AGAP1: variants seen among roughly 807,000 people sequenced by gnomAD.
AGAP1 encodes arf-GAP with GTPase, ANK repeat and PH domain-containing protein 1.
In AGAP1, 29 loss-of-function variants were observed where a neutral mutation model predicts 105.3. That is an observed-to-expected ratio of 0.28 (90% CI 0.21 to 0.38). The LOEUF (loss-of-function observed/expected upper bound fraction) is 0.38. Ranked by LOEUF, AGAP1 falls within the 10% of genes least tolerant of loss-of-function variation. The pLI, the probability that AGAP1 is intolerant of heterozygous loss-of-function variation, is 1.00. For synonymous variants in AGAP1, 509 were observed against 485.9 expected (o/e 1.05, Z -0.63); for missense variants, 998 against 1,165.1 (o/e 0.86, Z 2.09).
At chr2:235,821,658 T>C (rs999093600) in intron 9 of AGAP1, among the ~76,000 whole-genome samples, 2 of 152,222 alleles carry the variant, frequency 1.3e-5, no homozygotes. Context: ...ATATAACTAG[T>C]ACAGCTATAA....
chr2:235,914,766 T>G (rs1462329278), intron 11 of AGAP1, among the ~76,000 whole-genome samples: 2 of 152,086 alleles, frequency 1.3e-5, no homozygotes, highest in Non-Finnish European at 2.9e-5. Context: ...CTGGGTTCCT[T>G]GTGGCGGTCG....
rs1219111333 is a variant in AGAP1, at chr2:236,040,592, T to G, written c.1801-159T>G. ...TGCATGATGATTTCTTCTTCAGTTA[T>G]GCTCTTTCCCAAAGACATCAAAACA... On this transcript the variant is annotated intron_variant, in intron 14 of 17. Coordinates refer to ENST00000304032, the MANE Select transcript of AGAP1 (RefSeq NM_001037131.3). This position sits in a 1 kb window ranked among gnomAD's most constrained non-coding sequence, Gnocchi z 5.6. 4.9e-6 allele frequency: 1 copy of G among 202,588 alleles called. No homozygotes were observed. The highest frequency in any genetic ancestry group is 5.4e-5 in the Admixed American group (1 of 18,356). 12.5% of individuals were successfully genotyped at this position (202,588 alleles called of 1,614,324 possible).
chr2:235,768,421 T>G (rs1955151845), intron 6 of AGAP1, among the ~76,000 whole-genome samples: 1 of 152,270 alleles, frequency 6.6e-6, no homozygotes, highest in Non-Finnish European at 1.5e-5. Context: ...AGAATTTTAC[T>G]ACTTTCAGTA....
intron 9 of AGAP1, among the ~76,000 whole-genome samples, chr2:235,838,423 C>G (rs554269541): frequency 1.2e-3 from 190 of 152,316 alleles, no homozygotes; most frequent in Non-Finnish European, 2.1e-3. Context: ...AGGCACTGTG[C>G]TTTCTGAAGC....
rs1194238075 is a variant in AGAP1 at position 235,904,331 on chromosome 2, G to A, written c.1156-4407G>A. On this transcript the variant is annotated intron_variant, in intron 10 of 17. Transcript: ENST00000304032. The surrounding 1 kb of genome is among the most constrained non-coding windows in gnomAD (Gnocchi z 4.2). ...TTCGGAAACAGGTCCCTTTGCTCTG[G>A]CGCCTGCTTGGAAAAAATAAGCCGC... 6.6e-6 allele frequency among the ~76,000 whole-genome samples: 1 copy of A among 152,130 alleles called. No individual in the cohort carries two copies. The highest frequency in any genetic ancestry group is 1.9e-4 in the East Asian group (1 of 5,180).
In AGAP1 at chr2:235,750,231, A is replaced by G; in HGVS notation, c.539-123A>G. Reference sequence around the variant, plus strand: ...GAGGCAAACGATGCTCTACAATTCCAGATTCATAAACTAATTACATTTCTG... The same window carrying G: ...GAGGCAAACGATGCTCTACAATTCCGGATTCATAAACTAATTACATTTCTG... On this transcript the variant is annotated intron_variant, in intron 5 of 17. Transcript: ENST00000304032. This position sits in a 1 kb window ranked among gnomAD's most constrained non-coding sequence, Gnocchi z 5.3. 2 of 1,383,070 alleles carry G rather than the reference A, an allele frequency of 1.4e-6. No individual in the cohort carries two copies. Among genetic ancestry groups the G allele is most frequent in the South Asian group, 1.3e-5 (1 of 74,584 alleles). 85.7% of individuals were successfully genotyped at this position (1,383,070 alleles called of 1,614,324 possible). A position where few individuals can be genotyped will look rare whatever the true frequency, so the allele number is the denominator to read the frequency against.
intron 16 of AGAP1, among the ~76,000 whole-genome samples, chr2:236,059,808 A>G (rs562152046): frequency 6.6e-6 from 1 of 152,182 alleles, no homozygotes; most frequent in African/African-American, 2.4e-5. Flanking sequence ...ATCTAATGCT[A>G]TATATAAAAA....
In AGAP1 at chr2:235,906,682, C is replaced by G. The variant is rs75963425; in HGVS notation, c.1156-2056C>G. On this transcript the variant is annotated intron_variant, in intron 10 of 17. Transcript: ENST00000304032. This position sits in a 1 kb window ranked among gnomAD's most constrained non-coding sequence, Gnocchi z 5.3. Reference sequence around the variant, plus strand: ...ATTGTCACACCCCAGGCTCACCCACCTGACCATGGTTGGGCAGGGAGAAAA... The same window carrying G: ...ATTGTCACACCCCAGGCTCACCCACGTGACCATGGTTGGGCAGGGAGAAAA... 0.02 allele frequency among the ~76,000 whole-genome samples: 3,054 copies of G among 150,582 alleles called. 115 individuals are homozygous for G. The highest frequency in any genetic ancestry group is 0.072 in the African/African-American group (2,892 of 39,968).
rs1208155806 is a variant in AGAP1, at chr2:235,971,655, G to A, written c.1645+3032G>A. 3.3e-5 allele frequency among the ~76,000 whole-genome samples: 5 copies of A among 150,736 alleles called. No homozygotes were observed. Among genetic ancestry groups the A allele is most frequent in the South Asian group, 2.1e-4 (1 of 4,796 alleles). On this transcript the variant is annotated intron_variant, in intron 13 of 17. Transcript: ENST00000304032. The surrounding 1 kb of genome is among the most constrained non-coding windows in gnomAD (Gnocchi z 4.8). ...CAGTGAGCCGGGATGGCGCCACTGC[G>A]CTCCAGCCTGGGCGACAGAGTGAGA...
rs1459560996 is a variant in AGAP1, at chr2:235,837,713, C to T, written c.1050+30382C>T. Reference sequence around the variant, plus strand: ...GATCTCTGTATTCCTGTGAAAGTAACCACATGTAAACACTAGACATTAAAC... The same window carrying T: ...GATCTCTGTATTCCTGTGAAAGTAATCACATGTAAACACTAGACATTAAAC... On this transcript the variant is annotated intron_variant, in intron 9 of 17. Transcript: ENST00000304032. Among the ~76,000 whole-genome samples the T allele has an allele frequency of 2.0e-5, 3 of 152,286 alleles. No individual in the cohort carries two copies. In the South Asian group the frequency reaches 6.2e-4, roughly 32 times the overall value.
At position 235,961,356 on chromosome 2, in the gene AGAP1, C is replaced by T. The variant is rs534917162; in HGVS notation, c.1484-7106C>T. Among the ~76,000 whole-genome samples the T allele has an allele frequency of 2.0e-5, 3 of 152,328 alleles. No individual in the cohort carries two copies. Among genetic ancestry groups the T allele is most frequent in the East Asian group, 1.9e-4 (1 of 5,176 alleles). On this transcript the variant is annotated intron_variant, in intron 12 of 17. Transcript: ENST00000304032. The surrounding 1 kb of genome is among the most constrained non-coding windows in gnomAD (Gnocchi z 5.9). ...CCTCCACACGGCTCCCCGTCTAAGG[C>T]GGCAGGGATGAGCTGTGTGGATGCT...
chr2:235,584,964 AC>A (rs199505390), intron 1 of AGAP1, among the ~76,000 whole-genome samples: 1,833 of 111,338 alleles, frequency 0.016, 26 homozygotes, highest in Middle Eastern at 0.023. Context: ...TTTAGGCGTC[AC>A]CCCCCTACCC....
intron 1 of AGAP1, among the ~76,000 whole-genome samples, chr2:235,681,399 A>G (rs980080641): frequency 1.3e-5 from 2 of 152,180 alleles, no homozygotes; most frequent in South Asian, 2.1e-4. Context: ...ACCTGGTGCC[A>G]TGCTAGAGCG....
At chr2:235,859,865 GCT>G (rs779940588) in intron 9 of AGAP1, among the ~76,000 whole-genome samples, 1 of 152,178 alleles carries the variant, frequency 6.6e-6, no homozygotes, top group Non-Finnish European at 1.5e-5. Context: ...GCAACAAACA[GCT>G]CTGATTCTAG....
chr2:236,021,956 G>C (rs1338712906), intron 13 of AGAP1, among the ~76,000 whole-genome samples: 1 of 151,736 alleles, frequency 6.6e-6, no homozygotes, highest in East Asian at 1.9e-4. Flanking sequence ...CTACTCGGGA[G>C]GCTGAGGTGG....
rs552178966 is a variant in AGAP1 at position 235,663,586 on chromosome 2, C to T, written c.164-45593C>T. On this transcript the variant is annotated intron_variant, in intron 1 of 17. Coordinates refer to ENST00000304032, the MANE Select transcript of AGAP1 (RefSeq NM_001037131.3). The surrounding 1 kb of genome is among the most constrained non-coding windows in gnomAD (Gnocchi z 5.4). The stretch of plus-strand genomic sequence containing the variant: ...GGGCTGGCAAAAATTCCCAGGGCAT[C>T]GTTTGTGGCCTCAATGTGATTTTCA... 1.1e-4 allele frequency among the ~76,000 whole-genome samples: 16 copies of T among 152,212 alleles called. No individual in the cohort carries two copies. Among genetic ancestry groups the T allele is most frequent in the Admixed American group, 5.2e-4 (8 of 15,276 alleles).
rs142341634 is a variant in AGAP1 at position 235,852,770 on chromosome 2, C to CCAGG, written c.1051-30574_1051-30571dup. On this transcript the variant is annotated intron_variant, in intron 9 of 17. Transcript: ENST00000304032. ...CCGTGCCCGTCAGTCCTCCCCCTGGCCAGGGCCGAGGGGTGGTCAGACCAG... is the reference window on the plus strand; with the variant it reads ...CCGTGCCCGTCAGTCCTCCCCCTGGCCAGGCAGGGCCGAGGGGTGGTCAGACCAG... 295,871 of 1,537,324 alleles carry CCAGG rather than the reference C, an allele frequency of 0.19. 30,028 individuals carry two copies. Among genetic ancestry groups the CCAGG allele is most frequent in the South Asian group, 0.24 (19,968 of 81,838 alleles).
In AGAP1 at chr2:235,807,296, A is replaced by G; in HGVS notation, c.1015A>G (p.Ser339Gly). The change falls in exon 9 of 18, where the codon AGC (serine) becomes GGC (glycine). Residue 339 changes from serine to glycine, a missense_variant. By Grantham distance (56) the Ser-to-Gly change is moderately conservative (BLOSUM62 0). This residue lies in a region of AGAP1 where 735 missense variants were observed against 833.4 expected (regional missense o/e 0.88). Transcript: ENST00000304032. ...GAAAGGCCTGGAGAGTCGTGCGGAC[A>G]GCATTGGGAGCGGCCGAGCCATCCC... ...EKKGLESRAD[S>G]IGSGRAIPIK... The G allele has an allele frequency of 6.2e-7, 1 of 1,602,994 alleles. No individual in the cohort carries two copies. The highest frequency in any genetic ancestry group is 2.3e-5 in the East Asian group (1 of 44,226).
chr2:235,910,475 G>T (rs933308413), intron 11 of AGAP1, among the ~76,000 whole-genome samples: 4 of 152,138 alleles, frequency 2.6e-5, no homozygotes, highest in Admixed American at 1.3e-4. Flanking sequence ...CAAGACATCC[G>T]TGAGATTTTT....
Sources: allele counts gnomAD v4.1 joint callset (sites outside exome capture counted in the v4.1 genomes callset), GRCh38; gene constraint gnomAD v4.1.1; regional missense constraint gnomAD v4.1.1; non-coding constraint Gnocchi (gnomAD v3.1); transcripts MANE v1.5; gene names NCBI Gene and HGNC (gene_info 2026-07-23, HGNC 2026-07-21).